The following KLF7 variants were observed in gnomAD, a reference collection of about 807,000 sequenced individuals.
KLF7 encodes the protein KLF transcription factor 7.
A neutral mutation model predicts 27.3 loss-of-function variants in KLF7; 2 were observed. The ratio of observed to expected loss-of-function variants is 0.07; its 90% CI spans 0.03 to 0.23. The LOEUF (loss-of-function observed/expected upper bound fraction) is 0.23, where lower values mean the gene tolerates loss of function less well. KLF7 is among the 10% of genes least tolerant of loss of function. The probability of loss-of-function intolerance (pLI) is 1.00; values close to 1 mark genes in which losing one functional copy is unlikely to be tolerated. For synonymous variants in KLF7, 165 were observed against 162.4 expected (o/e 1.02, Z -0.12); for missense variants, 221 against 394.1 (o/e 0.56, Z 3.72).
At chr2:207,123,716 A>T in intron 2 of KLF7, 58 bp downstream of exon 2, 2 of 1,547,102 alleles carry the variant, frequency 1.3e-6, no homozygotes, top group Non-Finnish European at 1.7e-6. Context: ...GCCCTCCCAC[A>T]TGACGAGGCT....
chr2:207,080,815 C>G lies in KLF7; in HGVS notation c.*398G>C. On this transcript the variant is annotated 3_prime_UTR_variant, in exon 4 of 4. Coordinates refer to ENST00000309446, the MANE Select transcript of KLF7 (RefSeq NM_003709.4). ...TGCACTGAGAAGCAAGTGAAATAAG[C>G]CCCTCGGACTGCCGTCCACCTGCAC... is the stretch of plus-strand genomic sequence containing the variant. 2.5e-6 allele frequency: 1 copy of G among 403,090 alleles called. No individual in the cohort carries two copies. Among genetic ancestry groups the G allele is most frequent in the Non-Finnish European group, 4.4e-6 (1 of 228,496 alleles). 25.0% of individuals were successfully genotyped at this position (403,090 alleles called of 1,614,324 possible).
chr2:207,115,068 A>G (rs1347098504), intron 2 of KLF7, among the ~76,000 whole-genome samples: 1 of 152,222 alleles, frequency 6.6e-6, no homozygotes, highest in Non-Finnish European at 1.5e-5. Context: ...AGTTTAGAAT[A>G]TAAAAGGAGT....
In KLF7 at chr2:207,088,605, G is replaced by A. The variant is rs186950701; in HGVS notation, c.734-24C>T. The A allele has an allele frequency of 4.1e-3, 6,561 of 1,609,270 alleles. 37 individuals carry two copies. The highest frequency in any genetic ancestry group is 4.0e-3 in the Non-Finnish European group (4,682 of 1,177,200). On this transcript the variant is annotated intron_variant, in intron 2 of 3. Coordinates refer to ENST00000309446, the MANE Select transcript of KLF7 (RefSeq NM_003709.4). Reference sequence around the variant, plus strand: ...ACCTGCAAGAAGAGATGGAAGGACCGTGGTCAGCAGCAGGAACAAAAGGGA... The same window carrying A: ...ACCTGCAAGAAGAGATGGAAGGACCATGGTCAGCAGCAGGAACAAAAGGGA...
At chr2:207,148,263 G>T (rs1437863071) in intron 1 of KLF7, among the ~76,000 whole-genome samples, 3 of 152,176 alleles carry the variant, frequency 2.0e-5, no homozygotes, top group Admixed American at 2.0e-4. Context: ...CCCTACAGAG[G>T]TTGGTTGAGA....
chr2:207,165,417 G>A (rs773423310), intron 1 of KLF7, 50 bp downstream of exon 1: 2 of 1,612,946 alleles, frequency 1.2e-6, no homozygotes, highest in African/African-American at 1.3e-5. Flanking sequence ...CGCAGCCCCT[G>A]CGTCTCCGCC....
At position 207,084,689 on chromosome 2, in the gene KLF7, AATAG is replaced by A. The variant is rs148371306; in HGVS notation, c.858-3429_858-3426del. Among the ~76,000 whole-genome samples the A allele has an allele frequency of 3.3e-3, 498 of 152,376 alleles. 1 individual carries two copies. The highest frequency in any genetic ancestry group is 5.9e-3 in the Non-Finnish European group (404 of 68,040). The stretch of plus-strand genomic sequence containing the variant: ...ATTCCACATAGGAATAGTAAAAGGT[AATAG>A]ATAAACTTGGCATCTAGAAGTGCAG... On this transcript the variant is annotated intron_variant, in intron 3 of 3. Coordinates refer to ENST00000309446, the MANE Select transcript of KLF7 (RefSeq NM_003709.4).
At chr2:207,089,166 T>C (rs1047960857) in intron 2 of KLF7, among the ~76,000 whole-genome samples, 3 of 152,188 alleles carry the variant, frequency 2.0e-5, no homozygotes, top group African/African-American at 7.2e-5. Context: ...GTCTACAATT[T>C]CAGAGTAAAA....
chr2:207,118,554 A>C (rs750772798), intron 2 of KLF7, among the ~76,000 whole-genome samples: 3 of 152,222 alleles, frequency 2.0e-5, no homozygotes, highest in Admixed American at 6.5e-5. Context: ...TAAGCTTGGA[A>C]GTTAAGAGAG....
At chr2:207,136,447 GTTTCCT>G (rs1203841024) in intron 1 of KLF7, among the ~76,000 whole-genome samples, 1 of 143,890 alleles carries the variant, frequency 6.9e-6, no homozygotes, top group African/African-American at 2.5e-5. Flanking sequence ...CTGCACATCT[GTTTCCT>G]TTTCATCGAT....
intron 2 of KLF7, among the ~76,000 whole-genome samples, chr2:207,103,994 G>C (rs986338404): frequency 5.3e-5 from 8 of 152,212 alleles, no homozygotes; most frequent in Non-Finnish European, 8.8e-5. Context: ...AAGATGGTTA[G>C]AGATCAGTTT....
At chr2:207,159,396 G>A (rs1038669651) in intron 1 of KLF7, among the ~76,000 whole-genome samples, 6 of 152,200 alleles carry the variant, frequency 3.9e-5, no homozygotes, top group Non-Finnish European at 8.8e-5. Flanking sequence ...GATAGGCACA[G>A]GTCAGTGTTC....
At chr2:207,106,633 C>T (rs980815617) in intron 2 of KLF7, among the ~76,000 whole-genome samples, 6 of 152,134 alleles carry the variant, frequency 3.9e-5, no homozygotes, top group African/African-American at 1.2e-4. Flanking sequence ...CTGCAAGAAG[C>T]GTGAATCATA....
intron 1 of KLF7, among the ~76,000 whole-genome samples, chr2:207,131,706 T>C (rs1236755489): frequency 6.6e-6 from 1 of 152,210 alleles, no homozygotes; most frequent in Non-Finnish European, 1.5e-5. Flanking sequence ...TAATATGATG[T>C]AATGATTCTG....
intron 1 of KLF7, among the ~76,000 whole-genome samples, chr2:207,138,395 C>T (rs2077848016): frequency 6.6e-6 from 1 of 152,184 alleles, no homozygotes; most frequent in Non-Finnish European, 1.5e-5. Context: ...GTCCTTGATA[C>T]AAATCTTCTC....
chr2:207,134,143 G>C (rs1045041207), intron 1 of KLF7: 2 of 1,472,954 alleles, frequency 1.4e-6, no homozygotes, highest in South Asian at 2.7e-5. Context: ...AGGCTGACTC[G>C]GGCTACTGGG....
intron 1 of KLF7, among the ~76,000 whole-genome samples, chr2:207,137,147 C>T (rs573936862): frequency 2.0e-5 from 3 of 151,964 alleles, no homozygotes; most frequent in African/African-American, 7.2e-5. Flanking sequence ...ATCAAAGAGA[C>T]AGGCTCAGCC....
At chr2:207,170,203 C>T (rs372354779), upstream of KLF7, among the ~76,000 whole-genome samples, 7 of 152,162 alleles carry the variant, frequency 4.6e-5, no homozygotes, top group Non-Finnish European at 1.0e-4. Context: ...ATATGGAGAA[C>T]GTTTTAGTGG....
At chr2:207,103,966 A>G (rs954997644) in intron 2 of KLF7, among the ~76,000 whole-genome samples, 1 of 152,240 alleles carries the variant, frequency 6.6e-6, no homozygotes, top group African/African-American at 2.4e-5. Context: ...AAGAGCCTGC[A>G]ATCACCTGAT....
chr2:207,164,767 CAA>C (rs896603706), intron 1 of KLF7, among the ~76,000 whole-genome samples: 3 of 152,090 alleles, frequency 2.0e-5, no homozygotes, highest in African/African-American at 7.2e-5. Context: ...GGACCCTAAA[CAA>C]AAAAGAGAAA....
Sources: allele counts gnomAD v4.1 joint callset (sites outside exome capture counted in the v4.1 genomes callset), GRCh38; gene constraint gnomAD v4.1.1; transcripts MANE v1.5; gene names NCBI Gene and HGNC (gene_info 2026-07-23, HGNC 2026-07-21).